The following TAFA1 variants were observed in gnomAD, a reference collection of about 807,000 sequenced individuals.
TAFA1 encodes TAFA chemokine like family member 1, also known as chemokine-like protein TAFA-1.
In TAFA1, 4 loss-of-function variants were observed where a neutral mutation model predicts 18.5. The ratio of observed to expected loss-of-function variants is 0.22; its 90% CI spans 0.11 to 0.49. The LOEUF (loss-of-function observed/expected upper bound fraction) is 0.49, where lower values mean the gene tolerates loss of function less well. Among genes scored for constraint, TAFA1 ranks in the 20% least tolerant of loss-of-function variants. TAFA1 has a pLI of 0.98. For missense variants in TAFA1, 147 were observed against 169.0 expected (o/e 0.87, Z 0.72); for synonymous variants, 56 against 55.2 (o/e 1.01, Z -0.06).
intron 2 of TAFA1, among the ~76,000 whole-genome samples, chr3:68,163,131 A>G (rs1188713386): frequency 6.6e-6 from 1 of 152,168 alleles, no homozygotes; most frequent in Non-Finnish European, 1.5e-5. Flanking sequence ...GAGCATAACA[A>G]TTTATTTTTC....
chr3:68,181,221 C>A (rs534416069), intron 2 of TAFA1, among the ~76,000 whole-genome samples: 1 of 152,212 alleles, frequency 6.6e-6, no homozygotes, highest in Non-Finnish European at 1.5e-5. Flanking sequence ...TCAGGTGGGG[C>A]TGGCTAGTGG....
chr3:68,529,255 C>T (rs990481767), intron 3 of TAFA1, among the ~76,000 whole-genome samples: 4 of 151,770 alleles, frequency 2.6e-5, no homozygotes, highest in Non-Finnish European at 5.9e-5. Flanking sequence ...TGCCCTTCTT[C>T]ACAATTCTAG....
At chr3:68,286,039 C>T (rs948533703) in intron 2 of TAFA1, among the ~76,000 whole-genome samples, 8 of 151,840 alleles carry the variant, frequency 5.3e-5, no homozygotes, top group South Asian at 2.1e-4. Context: ...GGTGAAATCC[C>T]GTCTCTACTA....
intron 2 of TAFA1, among the ~76,000 whole-genome samples, chr3:68,065,529 C>T (rs1575598218): frequency 6.6e-6 from 1 of 152,140 alleles, no homozygotes; most frequent in African/African-American, 2.4e-5. Context: ...CTGATGAATG[C>T]TTGAATCCTA....
intron 2 of TAFA1, among the ~76,000 whole-genome samples, chr3:68,175,197 T>G (rs956129870): frequency 3.3e-5 from 5 of 152,224 alleles, no homozygotes; most frequent in African/African-American, 1.2e-4. Flanking sequence ...AGGGCCCTCA[T>G]GCAGAACCTC....
chr3:68,518,529 A>C lies in TAFA1; in HGVS notation c.260-20227A>C, dbSNP rs536601154. 1.6e-3 allele frequency among the ~76,000 whole-genome samples: 237 copies of C among 152,334 alleles called. 1 individual carries two copies. Among genetic ancestry groups the C allele is most frequent in the Non-Finnish European group, 2.7e-3 (183 of 68,024 alleles). On this transcript the variant is annotated intron_variant, in intron 3 of 4. Transcript: ENST00000478136. ...ATTTAATTGAACTGCATTGAATTGC[A>C]TCTGGATGAGGGCAACTGATGGTTA...
At chr3:68,009,571 A>C (rs1427701485) in intron 2 of TAFA1, among the ~76,000 whole-genome samples, 1 of 152,208 alleles carries the variant, frequency 6.6e-6, no homozygotes, top group Non-Finnish European at 1.5e-5. Context: ...GAAATGAAGA[A>C]ACTATAAATA....
In TAFA1 at chr3:68,384,077, T is replaced by C. The variant is rs145194589; in HGVS notation, c.119-33203T>C. On this transcript the variant is annotated intron_variant, in intron 2 of 4. Transcript: ENST00000478136. ...TATTTGGATCCTCTCTCTTTTCTTCTTTATTAGTCTAGCTAGTGGTAGAGG... is the reference window on the plus strand; with the variant it reads ...TATTTGGATCCTCTCTCTTTTCTTCCTTATTAGTCTAGCTAGTGGTAGAGG... 5.9e-3 allele frequency among the ~76,000 whole-genome samples: 902 copies of C among 152,198 alleles called. 2 individuals are homozygous for C. Among genetic ancestry groups the C allele is most frequent in the Middle Eastern group, 0.024 (7 of 294 alleles).
intron 2 of TAFA1, among the ~76,000 whole-genome samples, chr3:68,288,979 G>A (rs547112161): frequency 6.6e-6 from 1 of 152,296 alleles, no homozygotes. Context: ...AAGGAGGTTA[G>A]CTCATGTCTT....
intron 3 of TAFA1, among the ~76,000 whole-genome samples, chr3:68,458,326 T>G (rs995552815): frequency 2.6e-5 from 4 of 152,136 alleles, no homozygotes; most frequent in African/African-American, 9.7e-5. Flanking sequence ...TATACACCAA[T>G]TAAACCTCAT....
chr3:68,376,523 T>C (rs1457306835), intron 2 of TAFA1, among the ~76,000 whole-genome samples: 1 of 152,140 alleles, frequency 6.6e-6, no homozygotes, highest in African/African-American at 2.4e-5. Context: ...TTTCTGTTCG[T>C]ACGTTAGTTT....
chr3:68,064,171 GA>G (rs1312401808), intron 2 of TAFA1, among the ~76,000 whole-genome samples: 4 of 152,204 alleles, frequency 2.6e-5, no homozygotes, highest in Non-Finnish European at 5.9e-5. Context: ...GTAAAAACGT[GA>G]TGAGGTGGGA....
intron 2 of TAFA1, among the ~76,000 whole-genome samples, chr3:68,302,696 C>T (rs1473774366): frequency 6.6e-6 from 1 of 152,076 alleles, no homozygotes; most frequent in Non-Finnish European, 1.5e-5. Context: ...GACTGGGACA[C>T]AGGAAGCAGT....
At chr3:67,995,234 C>A in the TAFA1 span, among the ~76,000 whole-genome samples, 1 of 152,104 alleles carries the variant, frequency 6.6e-6, no homozygotes. Flanking sequence ...GCCATAGTGA[C>A]CAGAGGCCTT....
intron 2 of TAFA1, among the ~76,000 whole-genome samples, chr3:68,124,729 GGA>G (rs1268462570): frequency 1.3e-5 from 2 of 152,194 alleles, no homozygotes; most frequent in African/African-American, 4.8e-5. Context: ...ATGTGAGTCA[GGA>G]TTTGAACCAA....
intron 3 of TAFA1, among the ~76,000 whole-genome samples, chr3:68,475,591 G>T (rs1377033430): frequency 6.6e-6 from 1 of 152,110 alleles, no homozygotes; most frequent in Non-Finnish European, 1.5e-5. Context: ...CCAAGTCTTT[G>T]CTATTGTGAA....
At chr3:68,170,913 A>G (rs1180722340) in intron 2 of TAFA1, among the ~76,000 whole-genome samples, 1 of 152,038 alleles carries the variant, frequency 6.6e-6, no homozygotes, top group African/African-American at 2.4e-5. Flanking sequence ...TATACTTTAC[A>G]GAATTCATCC....
chr3:68,474,655 C>T (rs891707274), intron 3 of TAFA1, among the ~76,000 whole-genome samples: 1 of 152,120 alleles, frequency 6.6e-6, no homozygotes, highest in African/African-American at 2.4e-5. Flanking sequence ...TTTTATAAAT[C>T]GTTGTAAATT....
intron 2 of TAFA1, among the ~76,000 whole-genome samples, chr3:68,120,305 A>C (rs2065384105): frequency 6.8e-6 from 1 of 147,694 alleles, no homozygotes; most frequent in South Asian, 2.1e-4. Context: ...GCTGGAGTGC[A>C]CTGGTGCAAT....
Sources: gnomAD v4.1 joint callset for allele counts (sites outside exome capture counted in the v4.1 genomes callset) on GRCh38, gnomAD v4.1.1 for gene constraint, MANE v1.5 for transcripts, NCBI Gene and HGNC (gene_info 2026-07-23, HGNC 2026-07-21) for gene names.